Variants in TENM3 observed in about 807,000 individuals in gnomAD.
TENM3 encodes the protein teneurin transmembrane protein 3.
TENM3 carries 63 observed loss-of-function variants against 255.1 expected under a neutral mutation model. That is an observed-to-expected ratio of 0.25 (90% confidence interval 0.20 to 0.30). The LOEUF (loss-of-function observed/expected upper bound fraction) is 0.30, where lower values mean the gene tolerates loss of function less well. Ranked by LOEUF, TENM3 falls within the 10% of genes least tolerant of loss-of-function variation. TENM3 has a pLI of 1.00. For missense variants in TENM3, 2,929 were observed against 3,461.1 expected (o/e 0.85, Z 3.86); for synonymous variants, 1,306 against 1,322.3 (o/e 0.99, Z 0.27).
chr4:182,416,483 C>T (rs879786392), intron 3 of TENM3, among the ~76,000 whole-genome samples: 1 of 150,408 alleles, frequency 6.6e-6, no homozygotes, highest in African/African-American at 2.4e-5. Flanking sequence ...TTGAGTCAAG[C>T]AATTTTTCAT....
intron 3 of TENM3, among the ~76,000 whole-genome samples, chr4:182,483,310 T>C (rs935928774): frequency 6.6e-5 from 10 of 152,200 alleles, no homozygotes; most frequent in African/African-American, 2.4e-4. Context: ...TTTATGTTTA[T>C]GTAACAGTAC....
At chr4:181,475,620 G>T in the TENM3 span, among the ~76,000 whole-genome samples, 1 of 152,136 alleles carries the variant, frequency 6.6e-6, no homozygotes, top group Non-Finnish European at 1.5e-5. Context: ...CTTGTCAGTG[G>T]CTTTAGCCTA....
Position 182,799,948 on chromosome 4 carries a change from G to C in TENM3, c.7697G>C (p.Ser2566Thr). 1 of 1,593,890 alleles carries C rather than the reference G, an allele frequency of 6.3e-7. No individual in the cohort carries two copies. Among genetic ancestry groups the C allele is most frequent in the East Asian group, 2.3e-5 (1 of 43,722 alleles). Residue 2566 changes from serine to threonine, a missense_variant, in exon 28 of 28, where the codon AGC becomes ACC. Physicochemically the swap from Ser to Thr is moderately conservative, Grantham distance 58. Transcript: ENST00000511685. The surrounding 1 kb of genome is among the most constrained non-coding windows in gnomAD (Gnocchi z 4.2). ...GACCTGGGCACGCTGCGGTTGACCA[G>C]CGGCCGCAAGGCGCTGGAGAACGGC... ...ESDLGTLRLT[S>T]GRKALENGIN...
At chr4:182,634,659 A>G (rs992525129) in intron 5 of TENM3, among the ~76,000 whole-genome samples, 3 of 145,930 alleles carry the variant, frequency 2.1e-5, no homozygotes, top group Non-Finnish European at 4.5e-5. Context: ...TACCTGTTGC[A>G]CTTCTCTGGG....
Position 182,597,344 on chromosome 4 carries a change from C to T in TENM3, c.512-3580C>T, listed in dbSNP as rs555790404. ...GGATCACTTGAGCATGGGAGGTAGACGCTGCAGTGAGCTGTAGTCATACCA... is the reference window on the plus strand; with the variant it reads ...GGATCACTTGAGCATGGGAGGTAGATGCTGCAGTGAGCTGTAGTCATACCA... On this transcript the variant is annotated intron_variant, in intron 3 of 27. Transcript: ENST00000511685. Among the ~76,000 whole-genome samples the T allele has an allele frequency of 8.5e-5, 13 of 152,108 alleles. No individual in the cohort carries two copies. The East Asian group carries it at 9.7e-4, about 11-fold the overall frequency.
At position 182,775,143 on chromosome 4, in the gene TENM3, G is replaced by T. The variant is rs1187817827; in HGVS notation, c.5294G>T (p.Arg1765Leu). ...CAAGGGAAAGTCAATGTCTTTGGCC[G>T]CAAGCTCAGGGTACGTACGTGTTGT... ...QAQGKVNVFG[R>L]KLRVNGRNLL... Residue 1765 changes from arginine (R) to leucine (L), a missense_variant, in exon 24 of 28, where the codon CGC becomes CTC. Around this residue, in one of 6 missense-constraint regions of TENM3, gnomAD observed 303 missense variants for 425.2 expected, o/e 0.71. Transcript: ENST00000511685. 1 of 1,613,882 alleles carries T rather than the reference G, an allele frequency of 6.2e-7. No homozygotes were observed. The highest frequency in any genetic ancestry group is 1.3e-5 in the African/African-American group (1 of 75,056).
the TENM3 span, among the ~76,000 whole-genome samples, chr4:181,802,565 G>A: frequency 6.6e-6 from 1 of 152,148 alleles, no homozygotes; most frequent in Non-Finnish European, 1.5e-5. Context: ...AATTTTCTGT[G>A]ATCAAAAACT....
chr4:181,648,331 C>T, the TENM3 span, among the ~76,000 whole-genome samples: 2 of 152,122 alleles, frequency 1.3e-5, no homozygotes, highest in African/African-American at 4.8e-5. Context: ...AGTCGGGTTT[C>T]CTAAAAAGGG....
At chr4:181,834,764 C>T in the TENM3 span, 1 of 152,214 alleles carries the variant, frequency 6.6e-6, no homozygotes, top group East Asian at 1.9e-4. Context: ...TACAGCCAAC[C>T]TGTTGGGGAC....
At chr4:181,644,773 C>T in the TENM3 span, among the ~76,000 whole-genome samples, 1 of 152,034 alleles carries the variant, frequency 6.6e-6, no homozygotes, top group Non-Finnish European at 1.5e-5. Context: ...CTGACTCCAC[C>T]AGAAAGACTC....
upstream of TENM3, among the ~76,000 whole-genome samples, chr4:182,241,802 C>T (rs371543525): frequency 3.3e-5 from 5 of 151,974 alleles, no homozygotes; most frequent in Non-Finnish European, 5.9e-5. Flanking sequence ...CCACTGGGCC[C>T]GGCTTTCCTT....
chr4:181,770,563 TA>T, the TENM3 span, among the ~76,000 whole-genome samples: 667 of 151,242 alleles, frequency 4.4e-3, 6 homozygotes, highest in African/African-American at 0.014. Context: ...TAGTCCCAGC[TA>T]CTTGGGAGGC....
chr4:182,193,310 C>T (rs1331022106), intron 1 of TENM3, among the ~76,000 whole-genome samples: 2 of 152,286 alleles, frequency 1.3e-5, no homozygotes, highest in Admixed American at 1.3e-4. Context: ...CCCAGCCTCT[C>T]CTTTGCCCGT....
intron 12 of TENM3, among the ~76,000 whole-genome samples, chr4:182,713,342 A>G (rs927579460): frequency 6.6e-6 from 1 of 152,174 alleles, no homozygotes; most frequent in East Asian, 1.9e-4. Context: ...ATGCACAGCT[A>G]TTACATTTAG....
chr4:181,450,821 A>G, the TENM3 span, among the ~76,000 whole-genome samples: 1 of 152,240 alleles, frequency 6.6e-6, no homozygotes, highest in Non-Finnish European at 1.5e-5. Flanking sequence ...CACTTTGAAT[A>G]TGCTACTGTA....
At chr4:181,518,628 C>G in the TENM3 span, among the ~76,000 whole-genome samples, 1 of 152,232 alleles carries the variant, frequency 6.6e-6, no homozygotes, top group Non-Finnish European at 1.5e-5. Flanking sequence ...AGAGTTTCAC[C>G]ATATTGGCCA....
At chr4:182,526,289 G>A (rs1739171363) in intron 3 of TENM3, among the ~76,000 whole-genome samples, 1 of 151,970 alleles carries the variant, frequency 6.6e-6, no homozygotes, top group African/African-American at 2.4e-5. Flanking sequence ...TACATTTGCC[G>A]CTTTCTTATG....
the TENM3 span, among the ~76,000 whole-genome samples, chr4:181,742,107 C>T: frequency 6.6e-6 from 1 of 152,102 alleles, no homozygotes; most frequent in Admixed American, 6.5e-5. Flanking sequence ...ACTGTTTGAC[C>T]TTGCTTGTAA....
the TENM3 span, among the ~76,000 whole-genome samples, chr4:181,489,383 G>GGT: frequency 0.019 from 2,810 of 151,274 alleles, 41 homozygotes; most frequent in South Asian, 0.034. Context: ...TGTGCACATA[G>GGT]GTGTGTGTGT....
Sources: allele counts gnomAD v4.1 joint callset (sites outside exome capture counted in the v4.1 genomes callset), GRCh38; gene constraint gnomAD v4.1.1; regional missense constraint gnomAD v4.1.1; non-coding constraint Gnocchi (gnomAD v3.1); transcripts MANE v1.5; gene names NCBI Gene and HGNC (gene_info 2026-07-23, HGNC 2026-07-21).